The following ACAP3 variants were observed in gnomAD, a reference collection of about 807,000 sequenced individuals.
The protein encoded by ACAP3 is arf-GAP with coiled-coil, ANK repeat and PH domain-containing protein 3.
Under a neutral mutation model 104.1 loss-of-function variants are expected in ACAP3, and 56 were observed. That is an observed-to-expected ratio of 0.54 (90% CI 0.43 to 0.67). ACAP3 has a LOEUF of 0.67. Among genes scored for constraint, ACAP3 ranks in the 30% least tolerant of loss-of-function variants. The probability of loss-of-function intolerance (pLI) is 0.00; values close to 1 mark genes in which losing one functional copy is unlikely to be tolerated. For missense variants in ACAP3, 1,208 were observed against 1,174.9 expected, an observed-to-expected ratio of 1.03 and a Z score of -0.41; for synonymous variants, 628 against 496.2, an observed-to-expected ratio of 1.27 and a Z score of -3.53.
chr1:1,299,198 G>GC (rs1178403610), intron 10 of ACAP3, 147 bp downstream of exon 10: 6 of 1,081,028 alleles, frequency 5.6e-6, no homozygotes, highest in Non-Finnish European at 8.1e-6. Flanking sequence ...GCCGGAGCCA[G>GC]CCCCTCACAG....
At position 1,303,422 on chromosome 1, in the gene ACAP3, C is replaced by T. The variant is rs1040873322; in HGVS notation, c.106-141G>A. 6.8e-6 allele frequency: 8 copies of T among 1,180,116 alleles called. No homozygotes were observed. The East Asian group carries it at 1.7e-4, about 26-fold the overall frequency. 73.1% of individuals were successfully genotyped at this position (1,180,116 alleles called of 1,614,324 possible). On this transcript the variant is annotated intron_variant, in intron 2 of 23. Coordinates refer to ENST00000354700, the MANE Select transcript of ACAP3 (RefSeq NM_030649.3). This position sits in a 1 kb window ranked among gnomAD's most constrained non-coding sequence, Gnocchi z 4.0. ...GCACTCAGGACTCAGTGCCCCGGTG[C>T]AGCTTCCTCACGCCTGGGCCTGCCT... is the stretch of plus-strand genomic sequence containing the variant.
In ACAP3 at chr1:1,296,083, A is replaced by G; in HGVS notation, c.1434T>C (p.Ala478=). 6.2e-7 allele frequency: 1 copy of G among 1,612,758 alleles called. No individual in the cohort carries two copies. The highest frequency in any genetic ancestry group is 8.5e-7 in the Non-Finnish European group (1 of 1,179,960). ...LKLMCELGNS[A]VNQIYEAQCE... is the part of the protein sequence containing the mutation. ...ACTGGGCCTCATAGATCTGATTCAC[A>G]GCGCTGTTTCCAAGCTCACACATCA... The change falls in exon 17 of 24, where the codon GCT becomes GCC. Residue 478 remains alanine (A), a synonymous_variant. Coordinates refer to ENST00000354700, the MANE Select transcript of ACAP3 (RefSeq NM_030649.3).
chr1:1,297,776 C>T (rs775825173), intron 14 of ACAP3, 46 bp downstream of exon 14: 1 of 1,579,056 alleles, frequency 6.3e-7, no homozygotes, highest in South Asian at 1.1e-5. Flanking sequence ...TCCCCGGTGG[C>T]ACGTGTGTGT....
rs1197779465 is a variant in ACAP3, at chr1:1,293,611, G to A, written c.2458C>T (p.Arg820Cys). ...CTGATGAACTCCTGGATACACCTGC[G>A]GAACTGGAGCTCCGTGGGGCTGCCC... ...LAGSPTELQF[R>C]RCIQEFISLH... Residue 820 changes from arginine to cysteine, a missense_variant, in exon 24 of 24, where the codon CGC becomes TGC. Coordinates refer to ENST00000354700, the MANE Select transcript of ACAP3 (RefSeq NM_030649.3). 3 of 1,493,694 alleles carry A rather than the reference G, an allele frequency of 2.0e-6. No individual in the cohort carries two copies. Among genetic ancestry groups the A allele is most frequent in the Non-Finnish European group, 8.9e-7 (1 of 1,126,392 alleles). The allele number at this position is 1,493,694 out of a possible 1,614,324, so 92.5% of individuals were successfully genotyped here. A position where few individuals can be genotyped will look rare whatever the true frequency, so the allele number is the denominator to read the frequency against.
chr1:1,294,061 C>T (rs1640991456), intron 22 of ACAP3, 29 bp downstream of exon 22: 1 of 1,534,602 alleles, frequency 6.5e-7, no homozygotes, highest in Non-Finnish European at 8.8e-7. Flanking sequence ...GGTCGGGGCA[C>T]AGGGCGGGGC....
intron 20 of ACAP3, 28 bp downstream of exon 20, chr1:1,294,690 C>CCT: frequency 6.5e-7 from 1 of 1,547,402 alleles, no homozygotes; most frequent in Non-Finnish European, 8.7e-7. Context: ...TGGGCAGGGG[C>CCT]CTCGGGCGAG....
intron 19 of ACAP3, among the ~76,000 whole-genome samples, chr1:1,295,204 G>A (rs1004271901): frequency 6.6e-6 from 1 of 152,132 alleles, no homozygotes; most frequent in Non-Finnish European, 1.5e-5. Context: ...AGCGCCCTCT[G>A]CTTCCCCAGC....
intron 4 of ACAP3, among the ~76,000 whole-genome samples, chr1:1,302,384 C>A (rs1369625362): frequency 2.0e-5 from 3 of 152,120 alleles, no homozygotes; most frequent in Non-Finnish European, 4.4e-5. Flanking sequence ...GAGCACTCAG[C>A]CAGAGCCGGG....
rs1423735048 is a variant in ACAP3 at position 1,294,591 on chromosome 1, G to T, written c.1950C>A (p.Asp650Glu). Residue 650 changes from aspartate to glutamate, a missense_variant, in exon 21 of 24, where the codon GAC (aspartate) becomes GAA (glutamate). Asp to Glu is a conservative substitution (Grantham distance 45). Coordinates refer to ENST00000354700, the MANE Select transcript of ACAP3 (RefSeq NM_030649.3). ...AESEESSGEA[D>E]GDTEAEAWGL... is the part of the protein sequence containing the mutation. ...CCCAGGCCTCGGCCTCAGTGTCCCC[G>T]TCTGCCTCACCGCTGGACTCCTCCG... 5.3e-6 allele frequency: 8 copies of T among 1,517,186 alleles called. No individual in the cohort carries two copies. In the African/African-American group the frequency reaches 8.4e-5, roughly 16 times the overall value. 94.0% of individuals were successfully genotyped at this position (1,517,186 alleles called of 1,614,324 possible).
At chr1:1,306,357 C>T (rs982885284) in intron 1 of ACAP3, among the ~76,000 whole-genome samples, 1 of 152,182 alleles carries the variant, frequency 6.6e-6, no homozygotes. Flanking sequence ...GTGGGTGCTT[C>T]AGCCAGGGTC....
chr1:1,307,780 G>A lies in ACAP3; in HGVS notation c.36C>T (p.Ser12=), dbSNP rs1641811166. 2 of 1,094,564 alleles carry A rather than the reference G, an allele frequency of 1.8e-6. No homozygotes were observed. The highest frequency in any genetic ancestry group is 4.0e-5 in the South Asian group (1 of 25,020). 67.8% of individuals were successfully genotyped at this position (1,094,564 alleles called of 1,614,324 possible). A position where few individuals can be genotyped will look rare whatever the true frequency, so the allele number is the denominator to read the frequency against. The change falls in exon 1 of 24, where the codon TCC becomes TCT. Residue 12 remains serine, a synonymous_variant. Transcript: ENST00000354700. Reference sequence around the variant, plus strand: ...CCCGGGCGGCGCACCTGAAGCGCGGGGAGTCCTTGACGCACTCCTCGAACT... The same window carrying A: ...CCCGGGCGGCGCACCTGAAGCGCGGAGAGTCCTTGACGCACTCCTCGAACT... ...TVEFEECVKD[S]PRFRATIDEV...
At chr1:1,297,106 G>T (rs549367232) in intron 14 of ACAP3, among the ~76,000 whole-genome samples, 2,364 of 144,058 alleles carry the variant, frequency 0.016, 26 homozygotes, top group Middle Eastern at 0.041. Flanking sequence ...GTGGCACGTA[G>T]GTGTGTGCAC....
chr1:1,294,426 C>A lies in ACAP3; in HGVS notation c.2115G>T (p.Thr705=). The A allele has an allele frequency of 6.3e-7, 1 of 1,575,576 alleles. No homozygotes were observed. Among genetic ancestry groups the A allele is most frequent in the Non-Finnish European group, 8.6e-7 (1 of 1,166,402 alleles). ...NWADAEDEGK[T]PLVQAVLGGS... is the part of the protein sequence containing the mutation. ...CCCCTAGCACGGCCTGCACCAGCGG[C>A]GTCTTGCCCTCATCCTCCGCGTCCG... is the stretch of plus-strand genomic sequence containing the variant. Residue 705 remains threonine (T), a synonymous_variant, in exon 21 of 24, where the codon ACG becomes ACT. Transcript: ENST00000354700.
intron 4 of ACAP3, 113 bp from the exon 5 acceptor site, chr1:1,302,159 G>C (rs955630643): frequency 2.0e-6 from 2 of 980,440 alleles, no homozygotes; most frequent in Non-Finnish European, 2.8e-6. Context: ...TGCAGGGGCG[G>C]GTCCCACCCT....
rs1394408401 is a variant in ACAP3, at chr1:1,292,396, G to GC, written c.*1167dup. On this transcript the variant is annotated 3_prime_UTR_variant, in exon 24 of 24. Coordinates refer to ENST00000354700, the MANE Select transcript of ACAP3 (RefSeq NM_030649.3). ...GGGAGCCCAGGAGCAGGCAGTGGGC[G>GC]CAAGTGCTTTATTCAAAGCGAGGGG... is the stretch of plus-strand genomic sequence containing the variant. 3 of 152,490 alleles carry GC rather than the reference G, an allele frequency of 2.0e-5. No homozygotes were observed. Among genetic ancestry groups the GC allele is most frequent in the African/African-American group, 7.2e-5 (3 of 41,586 alleles). The allele number at this position is 152,490 out of a possible 1,614,324, so 9.4% of individuals were successfully genotyped here. A position where few individuals can be genotyped will look rare whatever the true frequency, so the allele number is the denominator to read the frequency against.
At chr1:1,304,286 C>T (rs968190040) in intron 1 of ACAP3, 143 bp from the exon 2 acceptor site, 17 of 1,007,010 alleles carry the variant, frequency 1.7e-5, no homozygotes, top group African/African-American at 3.2e-5. Context: ...CTGCCTGCTA[C>T]GGGGGCAGGA....
intron 5 of ACAP3, among the ~76,000 whole-genome samples, chr1:1,301,065 C>T (rs1048097360): frequency 2.6e-5 from 4 of 152,024 alleles, no homozygotes; most frequent in Non-Finnish European, 5.9e-5. Context: ...CTGCGCCTGG[C>T]CTGGTTTTGT....
In ACAP3 at chr1:1,307,771, GA is replaced by G; in HGVS notation, c.44del (p.Phe15SerfsTer23). 9.1e-7 allele frequency: 1 copy of G among 1,098,054 alleles called. No homozygotes were observed. The highest frequency in any genetic ancestry group is 1.1e-6 in the Non-Finnish European group (1 of 902,718). The allele number at this position is 1,098,054 out of a possible 1,614,324, so 68.0% of individuals were successfully genotyped here. A position where few individuals can be genotyped will look rare whatever the true frequency, so the allele number is the denominator to read the frequency against. ...CCCGGCGGCCCCGGGCGGCGCACCT[GA>G]AGCGCGGGGAGTCCTTGACGCACTC... ...FEECVKDSPR[F>X]RATIDEVETD... On this transcript the variant is annotated frameshift_variant, in exon 1 of 24. Coordinates refer to ENST00000354700, the MANE Select transcript of ACAP3 (RefSeq NM_030649.3). LOFTEE classifies it high-confidence loss of function.
intron 6 of ACAP3, 128 bp downstream of exon 6, chr1:1,300,381 A>G: frequency 8.0e-7 from 1 of 1,246,978 alleles, no homozygotes; most frequent in Non-Finnish European, 1.1e-6. Flanking sequence ...CCATGTCTGG[A>G]GTTCCCACCC....
Sources: gnomAD v4.1 joint callset for allele counts (sites outside exome capture counted in the v4.1 genomes callset) on GRCh38, gnomAD v4.1.1 for gene constraint, Gnocchi (gnomAD v3.1) non-coding constraint, MANE v1.5 for transcripts, NCBI Gene and HGNC (gene_info 2026-07-23, HGNC 2026-07-21) for gene names.